The following PDE4A variants were observed in gnomAD, a reference collection of about 807,000 sequenced individuals.
PDE4A encodes phosphodiesterase 4A, also known as 3',5'-cyclic-AMP phosphodiesterase 4A.
PDE4A carries 21 observed loss-of-function variants against 73.9 expected under a neutral mutation model. The ratio of observed to expected loss-of-function variants is 0.28; its 90% confidence interval spans 0.20 to 0.41. The LOEUF (loss-of-function observed/expected upper bound fraction) is 0.41, where lower values mean the gene tolerates loss of function less well. PDE4A is among the 10% of genes least tolerant of loss of function. The pLI, the probability that PDE4A is intolerant of heterozygous loss-of-function variation, is 1.00. For missense variants in PDE4A, 958 were observed against 1,211.4 expected, an observed-to-expected ratio of 0.79 and a Z score of 3.10; for synonymous variants, 463 against 505.4, an observed-to-expected ratio of 0.92 and a Z score of 1.13.
intron 7 of PDE4A, among the ~76,000 whole-genome samples, chr19:10,457,296 C>A (rs1420833714): frequency 1.3e-5 from 2 of 152,128 alleles, no homozygotes; most frequent in Non-Finnish European, 2.9e-5. Flanking sequence ...ATGTAAATGA[C>A]CCGTATTAGG....
At chr19:10,454,737 T>C in intron 6 of PDE4A, 92 bp from the exon 7 acceptor site, 1 of 1,593,628 alleles carries the variant, frequency 6.3e-7, no homozygotes, top group South Asian at 1.1e-5. Context: ...GAGGGACTCA[T>C]GGGGTCTTCA....
chr19:10,430,403 GC>G (rs1178639117), intron 1 of PDE4A, among the ~76,000 whole-genome samples: 1 of 152,010 alleles, frequency 6.6e-6, no homozygotes, highest in African/African-American at 2.4e-5. Context: ...GTGCTGAGAA[GC>G]CCCGGGATTT....
chr19:10,459,225 C>A, intron 8 of PDE4A, 175 bp from the exon 9 acceptor site: 1 of 1,105,650 alleles, frequency 9.0e-7, no homozygotes, highest in Non-Finnish European at 1.3e-6. Context: ...TGATTGCTTT[C>A]GCTATTTTGC....
Position 10,421,079 on chromosome 19 carries a change from C to G in PDE4A, c.315C>G (p.Ser105Arg), listed in dbSNP as rs563711317. Residue 105 changes from serine to arginine, a missense_variant, in exon 1 of 15, where the codon AGC becomes AGG. By Grantham distance (110) the Ser-to-Arg change is moderately radical. Around this residue, in one of 3 missense-constraint regions of PDE4A, gnomAD observed 570 missense variants for 827.7 expected, o/e 0.69. Transcript: ENST00000380702. ...GCGGCGGCGCGGGCGGAGGCAGCAG[C>G]AGGCGGTAAGACTCCCCGCGGCGGA... ...TGSGGAGGGS[S>R]RRFEAENGPT... 3 of 1,379,810 alleles carry G rather than the reference C, an allele frequency of 2.2e-6. No homozygotes were observed. Among genetic ancestry groups the G allele is most frequent in the South Asian group, 3.3e-5 (2 of 59,958 alleles). 85.5% of individuals were successfully genotyped at this position (1,379,810 alleles called of 1,614,324 possible). A position where few individuals can be genotyped will look rare whatever the true frequency, so the allele number is the denominator to read the frequency against.
chr19:10,417,508 G>C (rs2042599425), upstream of PDE4A: 4 of 979,940 alleles, frequency 4.1e-6, no homozygotes, highest in South Asian at 9.4e-5. Flanking sequence ...GGCACCCTCT[G>C]TGTGAGGGGT....
At chr19:10,423,370 G>T (rs2042676026) in intron 1 of PDE4A, among the ~76,000 whole-genome samples, 1 of 151,800 alleles carries the variant, frequency 6.6e-6, no homozygotes, top group South Asian at 2.1e-4. Flanking sequence ...TGTTGGCCAG[G>T]CTGGTCTCGA....
Position 10,420,622 on chromosome 19 carries a change from C to T in PDE4A, c.-143C>T. The T allele has an allele frequency of 7.6e-7, 1 of 1,323,134 alleles. No homozygotes were observed. The highest frequency in any genetic ancestry group is 2.1e-5 in the South Asian group (1 of 48,472). The allele number at this position is 1,323,134 out of a possible 1,614,324, so 82.0% of individuals were successfully genotyped here. A position where few individuals can be genotyped will look rare whatever the true frequency, so the allele number is the denominator to read the frequency against. On this transcript the variant is annotated 5_prime_UTR_variant, in exon 1 of 15. Coordinates refer to ENST00000380702, the MANE Select transcript of PDE4A (RefSeq NM_001111307.2). This position sits in a 1 kb window ranked among gnomAD's most constrained non-coding sequence, Gnocchi z 6.0. The stretch of plus-strand genomic sequence containing the variant: ...CCGGGGGCGATTGGCCCGCAGCGCC[C>T]CCGGGTCTGTCCCCGGGGCGCCATG...
intron 2 of PDE4A, 21 bp downstream of exon 2, chr19:10,446,430 A>C (rs766059941): frequency 6.3e-7 from 1 of 1,596,024 alleles, no homozygotes; most frequent in African/African-American, 1.3e-5. Context: ...TTCTCCCCAC[A>C]TGCCAGTTCC....
intron 1 of PDE4A, among the ~76,000 whole-genome samples, chr19:10,438,692 C>A (rs892558868): frequency 6.6e-6 from 1 of 152,092 alleles, no homozygotes; most frequent in Non-Finnish European, 1.5e-5. Context: ...ACTGCAACCT[C>A]CACCTCCCAG....
intron 14 of PDE4A, among the ~76,000 whole-genome samples, chr19:10,466,067 A>C (rs1380539082): frequency 1.3e-5 from 2 of 149,836 alleles, no homozygotes; most frequent in Non-Finnish European, 1.5e-5. Context: ...CAATGGCACA[A>C]TCTCGGCTCA....
intron 6 of PDE4A, among the ~76,000 whole-genome samples, chr19:10,451,438 G>T (rs191010111): frequency 6.6e-6 from 1 of 152,166 alleles, no homozygotes; most frequent in Non-Finnish European, 1.5e-5. Context: ...CTGCGGGGGT[G>T]TATCTGCGGC....
chr19:10,462,835 A>C (rs2043296609), intron 13 of PDE4A, among the ~76,000 whole-genome samples: 1 of 150,054 alleles, frequency 6.7e-6, no homozygotes. Context: ...TCTCCCCGTT[A>C]CCTCCTCTGT....
chr19:10,450,745 G>T, intron 5 of PDE4A, 84 bp from the exon 6 acceptor site: 2 of 1,580,854 alleles, frequency 1.3e-6, no homozygotes, highest in Non-Finnish European at 1.7e-6. Flanking sequence ...CACTCACCTG[G>T]CGAACCCCGT....
At chr19:10,418,695 G>C (rs2042610485), upstream of PDE4A, 9 of 929,178 alleles carry the variant, frequency 9.7e-6, no homozygotes, top group Non-Finnish European at 1.0e-5. Flanking sequence ...ACCGCTCCTC[G>C]TTTCCTCCTT....
rs753446708 is a variant in PDE4A, at chr19:10,467,492, C to T, written c.2532C>T (p.Ala844=). The T allele has an allele frequency of 1.7e-5, 28 of 1,612,782 alleles. No homozygotes were observed. Among genetic ancestry groups the T allele is most frequent in the African/African-American group, 8.0e-5 (6 of 74,924 alleles). Residue 844 remains alanine, a synonymous_variant, in exon 15 of 15, where the codon GCC becomes GCT. Coordinates refer to ENST00000380702, the MANE Select transcript of PDE4A (RefSeq NM_001111307.2). ...TCCCGGGCCTCCCCTCCACGGCGGC[C>T]GAGGTGGAGGCCCAACGAGAGCACC... ...PGLPGLPSTA[A]EVEAQREHQA...
intron 7 of PDE4A, among the ~76,000 whole-genome samples, chr19:10,457,080 C>T (rs1183257967): frequency 1.3e-5 from 2 of 152,152 alleles, no homozygotes; most frequent in African/African-American, 2.4e-5. Context: ...TGCCTGTAAT[C>T]TCAGCTACTC....
At position 10,450,823 on chromosome 19, in the gene PDE4A, C is replaced by T; in HGVS notation, c.671-6C>T. ...TCAGTCACTACCCTGGCTGCCCCTTCCTTAGAAGAAACGTGTCAGCAGTTG... is the reference window on the plus strand; with the variant it reads ...TCAGTCACTACCCTGGCTGCCCCTTTCTTAGAAGAAACGTGTCAGCAGTTG... On this transcript the variant is annotated splice_region_variant and splice_polypyrimidine_tract_variant and intron_variant, in intron 5 of 14. Transcript: ENST00000380702. 6.2e-7 allele frequency: 1 copy of T among 1,604,694 alleles called. No homozygotes were observed. The highest frequency in any genetic ancestry group is 8.5e-7 in the Non-Finnish European group (1 of 1,175,806).
chr19:10,432,448 C>T, intron 1 of PDE4A: 1 of 1,480,422 alleles, frequency 6.8e-7, no homozygotes, highest in South Asian at 1.3e-5. Context: ...CGCTCCGGTG[C>T]AGCGCCCCGG....
intron 1 of PDE4A, among the ~76,000 whole-genome samples, chr19:10,433,737 AC>A (rs1401053886): frequency 7.2e-5 from 11 of 152,224 alleles, no homozygotes; most frequent in Non-Finnish European, 1.3e-4. Context: ...TGGGAGACAC[AC>A]ACCAGCACCC....
Sources: gnomAD v4.1 joint callset for allele counts (sites outside exome capture counted in the v4.1 genomes callset) on GRCh38, gnomAD v4.1.1 for gene constraint, gnomAD v4.1.1 regional missense constraint, Gnocchi (gnomAD v3.1) non-coding constraint, MANE v1.5 for transcripts, NCBI Gene and HGNC (gene_info 2026-07-23, HGNC 2026-07-21) for gene names.